ACTR3C: variants seen among roughly 807,000 people sequenced by gnomAD.
ACTR3C encodes actin-related protein 3C.
Under a neutral mutation model 26.3 loss-of-function variants are expected in ACTR3C, and 18 were observed. The observed-to-expected ratio is 0.68, with a 90% CI of 0.47 to 1.01. The LOEUF is 1.01. Among genes scored for constraint, ACTR3C ranks in the 50% least tolerant of loss-of-function variants. The probability of loss-of-function intolerance (pLI) is 0.00; values close to 1 mark genes in which losing one functional copy is unlikely to be tolerated. For missense variants in ACTR3C, 184 were observed against 250.7 expected (o/e 0.73, Z 1.80); for synonymous variants, 55 against 94.5 (o/e 0.58, Z 2.42).
chr7:149,963,748 G>A, the ACTR3C span, among the ~76,000 whole-genome samples: 2 of 152,180 alleles, frequency 1.3e-5, no homozygotes, highest in Admixed American at 6.5e-5. Context: ...GACCAGCTAT[G>A]TGACCTGGGG....
chr7:150,155,782 T>C, the ACTR3C span, among the ~76,000 whole-genome samples: 4,533 of 139,414 alleles, frequency 0.033, 152 homozygotes, highest in East Asian at 0.17. Context: ...ATTTTGGATG[T>C]TGATGTGTCC....
the ACTR3C span, among the ~76,000 whole-genome samples, chr7:150,036,807 C>A: frequency 7.3e-6 from 1 of 136,940 alleles, no homozygotes; most frequent in Admixed American, 7.0e-5. Flanking sequence ...CTAACACCCA[C>A]AGTCCTCCAG....
At chr7:150,006,960 A>G in the ACTR3C span, among the ~76,000 whole-genome samples, 1 of 152,178 alleles carries the variant, frequency 6.6e-6, no homozygotes, top group Non-Finnish European at 1.5e-5. Flanking sequence ...ATCCTAAGCT[A>G]CACAGAACCT....
chr7:150,149,599 G>T, the ACTR3C span, among the ~76,000 whole-genome samples: 44 of 149,042 alleles, frequency 3.0e-4, no homozygotes, highest in Non-Finnish European at 4.3e-4. Flanking sequence ...GTGGTGTTTG[G>T]TTTTGTCCTT....
the ACTR3C span, among the ~76,000 whole-genome samples, chr7:150,076,940 G>A: frequency 1.3e-5 from 2 of 152,238 alleles, no homozygotes; most frequent in East Asian, 1.9e-4. Flanking sequence ...CAAGGCGAGC[G>A]AATCACCTGA....
the ACTR3C span, among the ~76,000 whole-genome samples, chr7:149,902,934 TC>T: frequency 6.2e-5 from 1 of 16,022 alleles, no homozygotes; most frequent in South Asian, 0.017. Flanking sequence ...GTACAGTGTC[TC>T]AAAAAAAAAA....
At chr7:150,143,255 C>A in the ACTR3C span, among the ~76,000 whole-genome samples, 2 of 152,056 alleles carry the variant, frequency 1.3e-5, no homozygotes, top group Non-Finnish European at 2.9e-5. Context: ...TGTTTAGCAT[C>A]TCCTTGCATA....
At chr7:149,946,570 G>T in the ACTR3C span, among the ~76,000 whole-genome samples, 103 of 152,240 alleles carry the variant, frequency 6.8e-4, no homozygotes, top group Middle Eastern at 6.8e-3. Context: ...CTGTTTCCAG[G>T]GCTTCCTCTG....
chr7:150,263,319 C>T (rs534931932), intron 6 of ACTR3C, among the ~76,000 whole-genome samples: 365 of 152,322 alleles, frequency 2.4e-3, no homozygotes, highest in African/African-American at 8.3e-3. Context: ...CTGTAAGAAT[C>T]CATCTGTCTG....
the ACTR3C span, among the ~76,000 whole-genome samples, chr7:150,041,700 C>A: frequency 7.0e-6 from 1 of 143,612 alleles, no homozygotes; most frequent in African/African-American, 2.6e-5. Flanking sequence ...TCTCAGTCCC[C>A]ACCCTCGCGG....
chr7:149,959,222 G>GCCCCC, the ACTR3C span, among the ~76,000 whole-genome samples: 3 of 30,598 alleles, frequency 9.8e-5, no homozygotes, highest in Non-Finnish European at 1.7e-4. Flanking sequence ...TAATTAGCTC[G>GCCCCC]CCCCCCACCC....
the ACTR3C span, among the ~76,000 whole-genome samples, chr7:149,988,331 CATGGGGCATGG>C: frequency 6.6e-6 from 1 of 152,202 alleles, no homozygotes; most frequent in Non-Finnish European, 1.5e-5. Context: ...CTAAGCACCG[CATGGGGCATGG>C]AAGGATATCT....
the ACTR3C span, among the ~76,000 whole-genome samples, chr7:149,979,589 T>C: frequency 6.6e-6 from 1 of 152,204 alleles, no homozygotes; most frequent in East Asian, 1.9e-4. Context: ...ACCTTGATCT[T>C]TCCACTCAAT....
chr7:150,300,986 A>T (rs2689431), intron 1 of ACTR3C, among the ~76,000 whole-genome samples: 1 of 151,900 alleles, frequency 6.6e-6, no homozygotes, highest in Non-Finnish European at 1.5e-5. Flanking sequence ...GCTACCTCCT[A>T]TCGATCTGAA....
chr7:149,927,558 G>A, the ACTR3C span, among the ~76,000 whole-genome samples: 7 of 151,778 alleles, frequency 4.6e-5, no homozygotes, highest in South Asian at 2.1e-4. Flanking sequence ...GAGAAACCCC[G>A]TCTCTATTAA....
chr7:150,300,212 T>G (rs35982965), intron 1 of ACTR3C, among the ~76,000 whole-genome samples: 194 of 152,024 alleles, frequency 1.3e-3, no homozygotes, highest in African/African-American at 3.0e-3. Flanking sequence ...TTAGCCAGGC[T>G]TGGTGGCACA....
chr7:149,917,073 A>G, the ACTR3C span, among the ~76,000 whole-genome samples: 13 of 77,620 alleles, frequency 1.7e-4, no homozygotes, highest in South Asian at 3.1e-3. Flanking sequence ...ATTTGCCCCA[A>G]ATATTTTTTT....
rs1190179895 is a variant in ACTR3C at position 150,287,651 on chromosome 7, A to G, written c.298-1111T>C. Among the ~76,000 whole-genome samples, 3 of 152,164 alleles carry G rather than the reference A, an allele frequency of 2.0e-5. No homozygotes were observed. The South Asian group carries it at 6.2e-4, about 32-fold the overall frequency. On this transcript the variant is annotated intron_variant, in intron 4 of 7. Transcript: ENST00000683684. ...AAGACGCTCTCGTGGTATTAAGTTT[A>G]AAGTTTCTTAGCATCCCTGAAACAT...
At chr7:150,130,024 T>C in the ACTR3C span, among the ~76,000 whole-genome samples, 6 of 152,062 alleles carry the variant, frequency 3.9e-5, no homozygotes, top group South Asian at 4.1e-4. Flanking sequence ...ACAGACCCAT[T>C]CATCAGTAGC....
Sources: allele counts gnomAD v4.1 joint callset (sites outside exome capture counted in the v4.1 genomes callset), GRCh38; gene constraint gnomAD v4.1.1; transcripts MANE v1.5; gene names NCBI Gene and HGNC (gene_info 2026-07-23, HGNC 2026-07-21).